The following OTUD3 variants were observed in gnomAD, a reference collection of about 807,000 sequenced individuals.
OTUD3 encodes the protein OTU deubiquitinase 3, also known as OTU domain-containing protein 3.
A neutral mutation model predicts 46.2 loss-of-function variants in OTUD3; 24 were observed. The observed-to-expected ratio is 0.52, with a 90% CI of 0.38 to 0.73. The LOEUF is 0.73. Among genes scored for constraint, OTUD3 ranks in the 30% least tolerant of loss-of-function variants. The pLI, the probability that OTUD3 is intolerant of heterozygous loss-of-function variation, is 0.00. For synonymous variants in OTUD3, 189 were observed against 195.4 expected (o/e 0.97, Z 0.27); for missense variants, 455 against 523.3 (o/e 0.87, Z 1.27).
chr1:19,900,491 A>G (rs774971468), intron 4 of OTUD3, among the ~76,000 whole-genome samples: 7 of 152,146 alleles, frequency 4.6e-5, no homozygotes, highest in Non-Finnish European at 4.4e-5. Context: ...CACCCAGCTC[A>G]TAGTTTGACT....
At position 19,890,367 on chromosome 1, in the gene OTUD3, G is replaced by A. The variant is rs10799593; in HGVS notation, c.222-18G>A. On this transcript the variant is annotated intron_variant, in intron 1 of 7. Coordinates refer to ENST00000375120, the MANE Select transcript of OTUD3 (RefSeq NM_015207.2). ...GTTCATTTTTGAAAGGTCTTGACTCGTGTTGTTGTTTTGACAGCAATTGCT... is the reference window on the plus strand; with the variant it reads ...GTTCATTTTTGAAAGGTCTTGACTCATGTTGTTGTTTTGACAGCAATTGCT... 812,074 of 1,609,340 alleles carry A rather than the reference G, an allele frequency of 0.5. 210,000 individuals carry two copies. Among genetic ancestry groups the A allele is most frequent in the African/African-American group, 0.61 (45,717 of 74,808 alleles).
chr1:19,907,852 G>T lies in OTUD3; in HGVS notation c.*106G>T, dbSNP rs2045684828. On this transcript the variant is annotated 3_prime_UTR_variant, in exon 8 of 8. Transcript: ENST00000375120. ...TATAAAACGCAACACAACCAACGAA[G>T]CCCACACATGAGCTCACACACTGAG... 1 of 1,004,312 alleles carries T rather than the reference G, an allele frequency of 1.0e-6. No individual in the cohort carries two copies. The highest frequency in any genetic ancestry group is 1.5e-6 in the Non-Finnish European group (1 of 683,796). The allele number at this position is 1,004,312 out of a possible 1,614,324, so 62.2% of individuals were successfully genotyped here.
chr1:19,888,326 C>T (rs1046862476), intron 1 of OTUD3, among the ~76,000 whole-genome samples: 1 of 152,068 alleles, frequency 6.6e-6, no homozygotes, highest in Non-Finnish European at 1.5e-5. Context: ...TCCTAGAGGC[C>T]CTTTGGGCAG....
At position 19,905,005 on chromosome 1, in the gene OTUD3, A is replaced by G; in HGVS notation, c.835+18A>G. ...GAGAAATAGTAAGTCCATGACTAAT[A>G]TTTATAGATCTTCAAAATGGTTGTG... On this transcript the variant is annotated intron_variant, in intron 6 of 7. Coordinates refer to ENST00000375120, the MANE Select transcript of OTUD3 (RefSeq NM_015207.2). 3 of 1,229,060 alleles carry G rather than the reference A, an allele frequency of 2.4e-6. No homozygotes were observed. The highest frequency in any genetic ancestry group is 3.5e-6 in the Non-Finnish European group (3 of 849,436). 76.1% of individuals were successfully genotyped at this position (1,229,060 alleles called of 1,614,324 possible).
In OTUD3 at chr1:19,905,002, A is replaced by T. The variant is rs759152029; in HGVS notation, c.835+15A>T. On this transcript the variant is annotated intron_variant, in intron 6 of 7. Transcript: ENST00000375120. ...GAAGAGAAATAGTAAGTCCATGACTAATATTTATAGATCTTCAAAATGGTT... is the reference window on the plus strand; with the variant it reads ...GAAGAGAAATAGTAAGTCCATGACTTATATTTATAGATCTTCAAAATGGTT... 8.0e-7 allele frequency: 1 copy of T among 1,256,764 alleles called. No individual in the cohort carries two copies. Among genetic ancestry groups the T allele is most frequent in the Admixed American group, 2.0e-5 (1 of 49,190 alleles). The allele number at this position is 1,256,764 out of a possible 1,614,324, so 77.9% of individuals were successfully genotyped here.
At position 19,889,411 on chromosome 1, in the gene OTUD3, A is replaced by G. The variant is rs577303513; in HGVS notation, c.222-974A>G. On this transcript the variant is annotated intron_variant, in intron 1 of 7. Coordinates refer to ENST00000375120, the MANE Select transcript of OTUD3 (RefSeq NM_015207.2). The stretch of plus-strand genomic sequence containing the variant: ...AAACCCCCTTTTTTCCTACACATTT[A>G]GACATGAAATCTTTCTGAAAGTGAT... Among the ~76,000 whole-genome samples the G allele has an allele frequency of 7.7e-4, 118 of 152,310 alleles. 1 individual carries two copies. The highest frequency in any genetic ancestry group is 1.4e-3 in the Non-Finnish European group (98 of 68,008).
intron 3 of OTUD3, among the ~76,000 whole-genome samples, chr1:19,895,491 A>G (rs61769076): frequency 0.052 from 7,895 of 152,214 alleles, 240 homozygotes; most frequent in Middle Eastern, 0.085. Context: ...ATTTGTCCTT[A>G]TAGTTTTGCC....
chr1:19,896,805 A>T (rs1488078319), intron 3 of OTUD3, among the ~76,000 whole-genome samples: 1 of 152,166 alleles, frequency 6.6e-6, no homozygotes, highest in South Asian at 2.1e-4. Context: ...GGGCTTCTGT[A>T]CTGCACAACT....
At chr1:19,900,916 GTTTTTTTTTT>G (rs990933093) in intron 4 of OTUD3, among the ~76,000 whole-genome samples, 12 of 115,666 alleles carry the variant, frequency 1.0e-4, no homozygotes, top group African/African-American at 2.3e-4. Context: ...TTTTTTTTTT[GTTTTTTTTTT>G]TTTTTTTTTG....
At chr1:19,887,060 C>T (rs2045372617) in intron 1 of OTUD3, among the ~76,000 whole-genome samples, 1 of 150,676 alleles carries the variant, frequency 6.6e-6, no homozygotes, top group African/African-American at 2.4e-5. Flanking sequence ...TTATTGATCT[C>T]TCATATTTTC....
At chr1:19,898,818 A>G (rs1039486485) in intron 4 of OTUD3, among the ~76,000 whole-genome samples, 1 of 150,786 alleles carries the variant, frequency 6.6e-6, no homozygotes, top group African/African-American at 2.4e-5. Context: ...AAACAATTTT[A>G]TTTATTTTTT....
Position 19,909,979 on chromosome 1 carries a change from A to C in OTUD3, c.*2233A>C, listed in dbSNP as rs1194508329. On this transcript the variant is annotated 3_prime_UTR_variant, in exon 8 of 8. Transcript: ENST00000375120. ...TCTGTTTAGTGTGTTAATTATTAGGAATCGGGTACATGCATCCAACTTCAG... is the reference window on the plus strand; with the variant it reads ...TCTGTTTAGTGTGTTAATTATTAGGCATCGGGTACATGCATCCAACTTCAG... 2 of 152,344 alleles carry C rather than the reference A, an allele frequency of 1.3e-5. No individual in the cohort carries two copies. The highest frequency in any genetic ancestry group is 4.8e-5 in the African/African-American group (2 of 41,456). 9.4% of individuals were successfully genotyped at this position (152,344 alleles called of 1,614,324 possible).
chr1:19,896,474 A>G (rs1318400494), intron 3 of OTUD3, among the ~76,000 whole-genome samples: 2 of 152,116 alleles, frequency 1.3e-5, no homozygotes, highest in East Asian at 3.8e-4. Flanking sequence ...TGGGAGACAA[A>G]TGGTGCTCTC....
At position 19,897,586 on chromosome 1, in the gene OTUD3, A is replaced by T; in HGVS notation, c.530A>T (p.Tyr177Phe). The change falls in exon 4 of 8, where the codon TAT (tyrosine) becomes TTT (phenylalanine). Residue 177 changes from tyrosine to phenylalanine, a missense_variant. By Grantham distance (22) the Tyr-to-Phe change is conservative. Coordinates refer to ENST00000375120, the MANE Select transcript of OTUD3 (RefSeq NM_015207.2). The stretch of plus-strand genomic sequence containing the variant: ...AGCGTGAGGGAGTTACACATCGCAT[A>T]TCGGTATGGAGAGCACTACGACAGT... ...KSSVRELHIAYRYGEHYDSVR... is the reference protein window; with the variant it reads ...KSSVRELHIAFRYGEHYDSVR... 6.2e-7 allele frequency: 1 copy of T among 1,614,058 alleles called. No individual in the cohort carries two copies.
At chr1:19,888,341 G>A (rs930629282) in intron 1 of OTUD3, among the ~76,000 whole-genome samples, 3 of 152,176 alleles carry the variant, frequency 2.0e-5, no homozygotes, top group Non-Finnish European at 4.4e-5. Context: ...GGGCAGCGGT[G>A]CTTTGTTCTC....
Position 19,907,976 on chromosome 1 carries a change from A to T in OTUD3, c.*230A>T, listed in dbSNP as rs573745349. On this transcript the variant is annotated 3_prime_UTR_variant, in exon 8 of 8. Transcript: ENST00000375120. ...AGTGAGGCCATTCATATTCTGTAAT[A>T]CAAAATTAAAATACTGAGTTTTAGG... 2.4e-6 allele frequency: 1 copy of T among 411,258 alleles called. No homozygotes were observed. Among genetic ancestry groups the T allele is most frequent in the East Asian group, 3.8e-5 (1 of 25,988 alleles). The allele number at this position is 411,258 out of a possible 1,614,324, so 25.5% of individuals were successfully genotyped here.
At chr1:19,892,044 C>T (rs183506122) in intron 2 of OTUD3, among the ~76,000 whole-genome samples, 2 of 152,198 alleles carry the variant, frequency 1.3e-5, no homozygotes, top group Non-Finnish European at 2.9e-5. Context: ...ACTTTGAACA[C>T]TGTCAGTGAA....
chr1:19,897,616 G>C lies in OTUD3; in HGVS notation c.560G>C (p.Arg187Pro). Residue 187 changes from arginine to proline, a missense_variant, in exon 4 of 8, where the codon CGG becomes CCG. Transcript: ENST00000375120. ...YRYGEHYDSV[R>P]RINDNSEAPA... The stretch of plus-strand genomic sequence containing the variant: ...TATGGAGAGCACTACGACAGTGTTC[G>C]GAGGATCAATGACAACTCAGAGGCA... The C allele has an allele frequency of 1.9e-6, 3 of 1,614,000 alleles. No homozygotes were observed. The highest frequency in any genetic ancestry group is 2.5e-6 in the Non-Finnish European group (3 of 1,179,950).
At chr1:19,901,537 A>G (rs1258603377) in intron 4 of OTUD3, among the ~76,000 whole-genome samples, 1 of 152,226 alleles carries the variant, frequency 6.6e-6, no homozygotes, top group East Asian at 1.9e-4. Flanking sequence ...CACATAACAT[A>G]AAATTAATCA....
Sources: gnomAD v4.1 joint callset for allele counts (sites outside exome capture counted in the v4.1 genomes callset) on GRCh38, gnomAD v4.1.1 for gene constraint, MANE v1.5 for transcripts, NCBI Gene and HGNC (gene_info 2026-07-23, HGNC 2026-07-21) for gene names.